The following SLC4A4 variants were observed in gnomAD, a reference collection of about 807,000 sequenced individuals.
SLC4A4 encodes the protein electrogenic sodium bicarbonate cotransporter 1.
In SLC4A4, 27 loss-of-function variants were observed where a neutral mutation model predicts 111.5. The ratio of observed to expected loss-of-function variants is 0.24; its 90% CI spans 0.18 to 0.33. SLC4A4 has a LOEUF of 0.33. Among genes scored for constraint, SLC4A4 ranks in the 10% least tolerant of loss-of-function variants. The probability of loss-of-function intolerance (pLI) is 1.00; values close to 1 mark genes in which losing one functional copy is unlikely to be tolerated. For missense variants in SLC4A4, 909 were observed against 1,315.5 expected (o/e 0.69, Z 4.78); for synonymous variants, 443 against 463.4 (o/e 0.96, Z 0.57).
intron 7 of SLC4A4, among the ~76,000 whole-genome samples, chr4:71,436,429 G>T (rs1329056651): frequency 6.6e-6 from 1 of 152,000 alleles, no homozygotes; most frequent in Non-Finnish European, 1.5e-5. Context: ...GTCATGGGAG[G>T]GATAATATTA....
intron 7 of SLC4A4, among the ~76,000 whole-genome samples, chr4:71,420,640 T>G (rs1307735595): frequency 5.3e-5 from 8 of 151,796 alleles, no homozygotes; most frequent in South Asian, 2.1e-4. Context: ...GGATCTCTCA[T>G]CAGAAACCCT....
chr4:71,456,138 A>T (rs1047314180), intron 12 of SLC4A4, among the ~76,000 whole-genome samples: 2 of 152,170 alleles, frequency 1.3e-5, no homozygotes, highest in Admixed American at 6.6e-5. Context: ...TAATTTGATT[A>T]TTTTATTAAT....
At chr4:71,064,204 T>C (rs1338793129) in intron 1 of SLC4A4, among the ~76,000 whole-genome samples, 1 of 152,234 alleles carries the variant, frequency 6.6e-6, no homozygotes, top group Admixed American at 6.5e-5. Context: ...ATTTACTGTA[T>C]CCTGGCCTTG....
chr4:71,370,041 T>C (rs1489820826), intron 6 of SLC4A4, among the ~76,000 whole-genome samples: 1 of 152,206 alleles, frequency 6.6e-6, no homozygotes, highest in Non-Finnish European at 1.5e-5. Flanking sequence ...AAGTATGAGT[T>C]TGATATATCC....
In SLC4A4 at chr4:71,466,575, C is replaced by T; in HGVS notation, c.1629C>T (p.Ser543=). The T allele has an allele frequency of 6.2e-7, 1 of 1,612,992 alleles. No individual in the cohort carries two copies. The highest frequency in any genetic ancestry group is 8.5e-7 in the Non-Finnish European group (1 of 1,179,324). Residue 543 remains serine, a splice_region_variant and synonymous_variant, in exon 13 of 26, where the codon AGC becomes AGT. Transcript: ENST00000264485. ...TTGAGAGGCTTCTATTTAATTTCAGCAAGTATGTACATACATATTTAATTG... is the reference window on the plus strand; with the variant it reads ...TTGAGAGGCTTCTATTTAATTTCAGTAAGTATGTACATACATATTTAATTG... ...LVFERLLFNF[S]KDNNFDYLEF...
At chr4:71,236,396 T>C (rs1182027490) in intron 1 of SLC4A4, 180 bp from the exon 2 acceptor site, 9 of 766,900 alleles carry the variant, frequency 1.2e-5, no homozygotes, top group Non-Finnish European at 1.8e-5. Flanking sequence ...GACCGGCATA[T>C]TCTCGAGCAC....
intron 2 of SLC4A4, among the ~76,000 whole-genome samples, chr4:71,251,621 G>A (rs1466246221): frequency 6.6e-6 from 1 of 152,120 alleles, no homozygotes; most frequent in East Asian, 1.9e-4. Flanking sequence ...GCCAAATCAA[G>A]GACTGAATGC....
chr4:71,141,700 C>T (rs1744002171), intron 2 of SLC4A4, among the ~76,000 whole-genome samples: 1 of 152,168 alleles, frequency 6.6e-6, no homozygotes, highest in Non-Finnish European at 1.5e-5. Context: ...TGTCAAGAAC[C>T]TTGTTTGCCT....
chr4:71,430,471 A>G (rs895035626), intron 7 of SLC4A4, among the ~76,000 whole-genome samples: 7 of 152,200 alleles, frequency 4.6e-5, no homozygotes, highest in African/African-American at 1.7e-4. Context: ...TAGTACAGAC[A>G]GTTGTTTAAT....
At chr4:71,300,958 G>A in intron 3 of SLC4A4, 1 of 515,514 alleles carries the variant, frequency 1.9e-6, no homozygotes. Context: ...CCATAGATCA[G>A]GGCTGATCAT....
At chr4:71,172,676 A>G (rs1744978067) in intron 2 of SLC4A4, among the ~76,000 whole-genome samples, 3 of 152,238 alleles carry the variant, frequency 2.0e-5, no homozygotes. Context: ...TGTAATTCTG[A>G]GTAAAATGTT....
At position 71,566,993 on chromosome 4, in the gene SLC4A4, T is replaced by C. The variant is rs1445510364; in HGVS notation, c.3197-11T>C. 1.2e-6 allele frequency: 2 copies of C among 1,607,664 alleles called. No individual in the cohort carries two copies. The highest frequency in any genetic ancestry group is 3.4e-5 in the Admixed American group (2 of 59,482). On this transcript the variant is annotated splice_polypyrimidine_tract_variant and intron_variant, in intron 24 of 25. Coordinates refer to ENST00000264485, the MANE Select transcript of SLC4A4 (RefSeq NM_001098484.3). ...CTACCATTTATGTTTTTAAAAAATT[T>C]TATTTTCCAGGAGAAAGATCACCAA...
At chr4:71,084,481 G>A (rs1446258308) in intron 1 of SLC4A4, among the ~76,000 whole-genome samples, 4 of 151,866 alleles carry the variant, frequency 2.6e-5, no homozygotes, top group Admixed American at 2.0e-4. Flanking sequence ...GTATACATGT[G>A]CCATGTTGGT....
At chr4:71,156,588 G>GCACACACA (rs1553957345) in intron 2 of SLC4A4, among the ~76,000 whole-genome samples, 82 of 138,562 alleles carry the variant, frequency 5.9e-4, no homozygotes, top group African/African-American at 1.4e-3. Flanking sequence ...GCGCGCGCGC[G>GCACACACA]CACACACACA....
intron 3 of SLC4A4, among the ~76,000 whole-genome samples, chr4:71,314,206 C>T (rs192315073): frequency 3.1e-4 from 47 of 152,190 alleles, no homozygotes; most frequent in Middle Eastern, 3.4e-3. Flanking sequence ...AAATGCAAAT[C>T]AAAATCACAA....
intron 12 of SLC4A4, among the ~76,000 whole-genome samples, chr4:71,454,993 C>A (rs916650828): frequency 1.3e-5 from 2 of 152,278 alleles, no homozygotes; most frequent in Admixed American, 1.3e-4. Flanking sequence ...CACACGACTT[C>A]TCCACATAGC....
rs149886185 is a variant in SLC4A4 at position 71,110,853 on chromosome 4, C to A, written c.-2+18061C>A. On this transcript the variant is annotated intron_variant, in intron 2 of 26. Transcript: ENST00000649996. ...TTAGTTCTGTGTACAATACAATCCC[C>A]AGGCCCCTCTTTAATAAAGATGTTT... Among the ~76,000 whole-genome samples the A allele has an allele frequency of 2.3e-4, 35 of 152,274 alleles. 1 individual carries two copies. The East Asian group carries it at 6.8e-3, about 29-fold the overall frequency.
intron 2 of SLC4A4, among the ~76,000 whole-genome samples, chr4:71,171,507 G>A (rs1452871360): frequency 7.9e-5 from 12 of 152,144 alleles, no homozygotes; most frequent in Admixed American, 7.9e-4. Flanking sequence ...TTTTTATCCT[G>A]TTGTCTAGTT....
chr4:71,519,024 A>G (rs992240534), intron 16 of SLC4A4, among the ~76,000 whole-genome samples: 2 of 152,186 alleles, frequency 1.3e-5, no homozygotes, highest in African/African-American at 4.8e-5. Context: ...GAGGTTGAAG[A>G]AGGGGTAATG....
Sources: gnomAD v4.1 joint callset for allele counts (sites outside exome capture counted in the v4.1 genomes callset) on GRCh38, gnomAD v4.1.1 for gene constraint, MANE v1.5 for transcripts, NCBI Gene and HGNC (gene_info 2026-07-23, HGNC 2026-07-21) for gene names.